Variants in RAPGEF3 observed in about 807,000 individuals in gnomAD.
RAPGEF3 encodes the protein 9330170P05Rik.
A neutral mutation model predicts 129.8 loss-of-function variants in RAPGEF3; 103 were observed. That is an observed-to-expected ratio of 0.79 (90% confidence interval 0.68 to 0.93). The LOEUF (loss-of-function observed/expected upper bound fraction) is 0.93, where lower values mean the gene tolerates loss of function less well. Among genes scored for constraint, RAPGEF3 ranks in the 40% least tolerant of loss-of-function variants. The pLI, the probability that RAPGEF3 is intolerant of heterozygous loss-of-function variation, is 0.00. For synonymous variants in RAPGEF3, 436 were observed against 482.6 expected (o/e 0.90, Z 1.26); for missense variants, 1,117 against 1,207.4 (o/e 0.93, Z 1.11).
intron 16 of RAPGEF3, chr12:47,746,066 T>C (rs1352223742): frequency 1.3e-5 from 2 of 152,902 alleles, no homozygotes; most frequent in Non-Finnish European, 2.9e-5. Context: ...GTGCTCCGGA[T>C]AGGGAGACGG....
rs759034284 is a variant in RAPGEF3, at chr12:47,738,244, T to A, written c.2530A>T (p.Met844Leu). Residue 844 changes from methionine to leucine, a missense_variant, in exon 26 of 28, where the codon ATG becomes TTG. By Grantham distance (15) the Met-to-Leu change is conservative. Around this residue, in one of 3 missense-constraint regions of RAPGEF3, gnomAD observed 643 missense variants for 673.4 expected, o/e 0.95. Transcript: ENST00000449771. ...AGCATCCGCGCGGCTCTGGCCATCATTCTCTGCGGACAACACCGGGGCATA... is the reference window on the plus strand; with the variant it reads ...AGCATCCGCGCGGCTCTGGCCATCAATCTCTGCGGACAACACCGGGGCATA... Reference protein sequence around the residue: ...ENLINFEKMRMMARAARMLHH... With the variant: ...ENLINFEKMRLMARAARMLHH... 1.0e-4 allele frequency: 165 copies of A among 1,612,872 alleles called. No homozygotes were observed. Among genetic ancestry groups the A allele is most frequent in the Admixed American group, 2.2e-4 (13 of 59,988 alleles).
At position 47,751,103 on chromosome 12, in the gene RAPGEF3, C is replaced by G; in HGVS notation, c.616G>C (p.Ala206Pro). 6.3e-7 allele frequency: 1 copy of G among 1,586,890 alleles called. No individual in the cohort carries two copies. Among genetic ancestry groups the G allele is most frequent in the Non-Finnish European group, 8.6e-7 (1 of 1,167,304 alleles). Residue 206 changes from alanine to proline, a missense_variant, in exon 6 of 28, where the codon GCC (alanine) becomes CCC (proline). By Grantham distance (27) the Ala-to-Pro change is conservative. Around this residue, in one of 3 missense-constraint regions of RAPGEF3, gnomAD observed 367 missense variants for 373.4 expected, o/e 0.98. Transcript: ENST00000449771. ...EMEEELAEAV[A>P]LLSQRGPDAL... ...TCAGGCCCCCGCTGGGAGAGCAGGG[C>G]CACAGCTTCGGCCAACTCCTCCTCC...
Position 47,751,418 on chromosome 12 carries a change from A to G in RAPGEF3, c.483T>C (p.Asp161=). 1 of 1,614,060 alleles carries G rather than the reference A, an allele frequency of 6.2e-7. No homozygotes were observed. ...GCTCACCATGGCAGAGGGCACCTTC[A>G]TCCAGCAGCACCTGGCAGATTCCCA... The part of the protein sequence containing the change: ...QVVGICQVLL[D]EGALCHVKHD... Residue 161 remains aspartate, a synonymous_variant, in exon 5 of 28, where the codon GAT becomes GAC. Coordinates refer to ENST00000449771, the MANE Select transcript of RAPGEF3 (RefSeq NM_001098531.4).
chr12:47,741,143 G>T (rs1322299393), intron 19 of RAPGEF3, 103 bp from the exon 20 acceptor site: 2 of 1,365,602 alleles, frequency 1.5e-6, no homozygotes, highest in African/African-American at 2.9e-5. Flanking sequence ...GTGTTAGGAG[G>T]AGGGTTAGGA....
chr12:47,754,233 A>C (rs557856370), intron 2 of RAPGEF3, among the ~76,000 whole-genome samples: 3 of 152,380 alleles, frequency 2.0e-5, no homozygotes, highest in Admixed American at 6.5e-5. Flanking sequence ...CATTATGCCT[A>C]TTCCCATGTT....
At position 47,751,140 on chromosome 12, in the gene RAPGEF3, T is replaced by TC; in HGVS notation, c.578dup (p.Thr194AsnfsTer3). ...CCAACTCCTCCTCCATCTCATGAGT[T>TC]CTCACGGGCTCGGGCTCGGGCCCGG... On this transcript the variant is annotated frameshift_variant, in exon 6 of 28. Transcript: ENST00000449771. LOFTEE classifies it high-confidence loss of function. 6.4e-7 allele frequency: 1 copy of TC among 1,566,228 alleles called. No homozygotes were observed. Among genetic ancestry groups the TC allele is most frequent in the Non-Finnish European group, 8.7e-7 (1 of 1,155,868 alleles).
Position 47,751,072 on chromosome 12 carries a change from A to C in RAPGEF3, c.647T>G (p.Leu216Arg). The change falls in exon 6 of 28, where the codon CTG becomes CGG. Residue 216 changes from leucine (L) to arginine (R), a missense_variant. Leu to Arg is a moderately radical substitution (Grantham distance 102). This residue lies in a region of RAPGEF3 where 367 missense variants were observed against 373.4 expected (regional missense o/e 0.98). Coordinates refer to ENST00000449771, the MANE Select transcript of RAPGEF3 (RefSeq NM_001098531.4). The stretch of plus-strand genomic sequence containing the variant: ...CGGCTTTCGAAGTGCCACAGTGAGC[A>C]GGGCGTCAGGCCCCCGCTGGGAGAG... ...ALLSQRGPDA[L>R]LTVALRKPPG... The C allele has an allele frequency of 6.3e-7, 1 of 1,596,464 alleles. No individual in the cohort carries two copies. The highest frequency in any genetic ancestry group is 8.5e-7 in the Non-Finnish European group (1 of 1,172,556).
Position 47,739,198 on chromosome 12 carries a change from C to G in RAPGEF3, c.2406G>C (p.Leu802=). ...DPSWNHRVYR[L]ALAKLSPPVI... ...CAGGAGGGGAGAGCTTGGCGAGGGCCAGTCGGTATACCCGGTGGTTCCATG... is the reference window on the plus strand; with the variant it reads ...CAGGAGGGGAGAGCTTGGCGAGGGCGAGTCGGTATACCCGGTGGTTCCATG... The change falls in exon 24 of 28, where the codon CTG becomes CTC. Residue 802 remains leucine, a synonymous_variant. Transcript: ENST00000449771. 6.2e-7 allele frequency: 1 copy of G among 1,611,708 alleles called. No homozygotes were observed. Among genetic ancestry groups the G allele is most frequent in the Admixed American group, 1.7e-5 (1 of 59,574 alleles).
chr12:47,737,993 C>T, intron 27 of RAPGEF3, 29 bp downstream of exon 27: 1 of 1,585,850 alleles, frequency 6.3e-7, no homozygotes, highest in Non-Finnish European at 8.7e-7. Flanking sequence ...CACCCCCTCC[C>T]TGCCCACCCA....
Position 47,737,569 on chromosome 12 carries a change from A to G in RAPGEF3, c.2770T>C (p.Ter924ArgextTer58), listed in dbSNP as rs149966815. The G allele has an allele frequency of 5.0e-6, 8 of 1,611,366 alleles. No individual in the cohort carries two copies. The African/African-American group carries it at 5.3e-5, about 11-fold the overall frequency. The change falls in exon 28 of 28, where the codon TGA becomes CGA. Residue 924 changes from the stop codon to arginine, a stop_lost. Coordinates refer to ENST00000449771, the MANE Select transcript of RAPGEF3 (RefSeq NM_001098531.4). ...LSRLSRELEP* is the reference protein window; with the variant it reads ...LSRLSRELEPR ...CCAGCTCCAGTCCCAGCCCCTCCTC[A>G]TGGCTCCAGCTCTCGGGAGAGGCGG...
At chr12:47,746,790 G>A (rs1259167930) in intron 16 of RAPGEF3, 70 bp downstream of exon 16, 1 of 1,467,702 alleles carries the variant, frequency 6.8e-7, no homozygotes, top group African/African-American at 1.4e-5. Context: ...AGCCCCTCAG[G>A]GTCAGGGGGC....
rs746823313 is a variant in RAPGEF3, at chr12:47,757,985, C to T, written c.100G>A (p.Val34Met). 126 of 1,569,866 alleles carry T rather than the reference C, an allele frequency of 8.0e-5. No homozygotes were observed. Among genetic ancestry groups the T allele is most frequent in the South Asian group, 1.2e-4 (10 of 85,490 alleles). Reference protein sequence around the residue: ...GAPRVGALPDVVPEGTLLNMV... With the variant: ...GAPRVGALPDMVPEGTLLNMV... ...TTGAGTAGTGTCCCCTCCGGCACCA[C>T]GTCAGGGAGGGCTCCCACCCGCGGT... The change falls in exon 2 of 28, where the codon GTG (valine) becomes ATG (methionine). Residue 34 changes from valine (V) to methionine (M), a missense_variant. Coordinates refer to ENST00000449771, the MANE Select transcript of RAPGEF3 (RefSeq NM_001098531.4).
In RAPGEF3 at chr12:47,749,968, A is replaced by G; in HGVS notation, c.779T>C (p.Val260Ala). The change falls in exon 8 of 28, where the codon GTT becomes GCT. Residue 260 changes from valine to alanine, a missense_variant. Val to Ala is a moderately conservative substitution (Grantham distance 64). Around this residue, in one of 3 missense-constraint regions of RAPGEF3, gnomAD observed 367 missense variants for 373.4 expected, o/e 0.98. Transcript: ENST00000449771. This position sits in a 1 kb window ranked among gnomAD's most constrained non-coding sequence, Gnocchi z 4.5. ...CTTGCTGTGTGGTTCAAAGAGCAGA[A>G]CAGCCGCTAATTCTCGCTTCACCTG... Reference protein sequence around the residue: ...SNSVKRELAAVLLFEPHSKAG... With the variant: ...SNSVKRELAAALLFEPHSKAG... 6.2e-7 allele frequency: 1 copy of G among 1,613,508 alleles called. No homozygotes were observed. Among genetic ancestry groups the G allele is most frequent in the Non-Finnish European group, 8.5e-7 (1 of 1,179,934 alleles).
rs1193181073 is a variant in RAPGEF3, at chr12:47,758,580, C to T, written c.-24G>A. 1.9e-6 allele frequency: 3 copies of T among 1,613,762 alleles called. No homozygotes were observed. The highest frequency in any genetic ancestry group is 2.7e-5 in the African/African-American group (2 of 74,930). On this transcript the variant is annotated 5_prime_UTR_variant, in exon 1 of 28. Coordinates refer to ENST00000449771, the MANE Select transcript of RAPGEF3 (RefSeq NM_001098531.4). ...ATGTTTCTTTTCAAGCTCGCACAGC[C>T]GTGCAGGCTCTAGCAAAAGGCTGGG...
In RAPGEF3 at chr12:47,743,605, C is replaced by T. The variant is rs748055367; in HGVS notation, c.1750G>A (p.Glu584Lys). 6.2e-7 allele frequency: 1 copy of T among 1,614,156 alleles called. No homozygotes were observed. The highest frequency in any genetic ancestry group is 8.5e-7 in the Non-Finnish European group (1 of 1,179,976). Residue 584 changes from glutamate (E) to lysine (K), a missense_variant, in exon 18 of 28, where the codon GAG becomes AAG. Coordinates refer to ENST00000449771, the MANE Select transcript of RAPGEF3 (RefSeq NM_001098531.4). Reference protein sequence around the residue: ...LQLPVTASVREVMAALAQEDG... With the variant: ...LQLPVTASVRKVMAALAQEDG... The stretch of plus-strand genomic sequence containing the variant: ...TCCTGGGCCAACGCTGCCATCACCT[C>T]TCTCACGGAGGCTGTCACAGGCAGC...
rs374715381 is a variant in RAPGEF3 at position 47,741,045 on chromosome 12, G to A, written c.1924-5C>T. 6.8e-5 allele frequency: 109 copies of A among 1,611,882 alleles called. 1 individual carries two copies. The Middle Eastern group carries it at 1.5e-3, about 22-fold the overall frequency. ...CAGCTGGTCAGGGTGTGGGATCTGC[G>A]GGTGGGAGAGTGCTCAGGGGGCTGC... is the stretch of plus-strand genomic sequence containing the variant. On this transcript the variant is annotated splice_polypyrimidine_tract_variant and splice_region_variant and intron_variant, in intron 19 of 27. Transcript: ENST00000449771.
At chr12:47,753,587 A>C (rs1384666054) in intron 2 of RAPGEF3, among the ~76,000 whole-genome samples, 1 of 152,234 alleles carries the variant, frequency 6.6e-6, no homozygotes, top group Admixed American at 6.5e-5. Flanking sequence ...GGCCCAGCCC[A>C]GTGCCAGACA....
chr12:47,739,926 C>T (rs369772358), intron 23 of RAPGEF3: 25 of 612,252 alleles, frequency 4.1e-5, no homozygotes, highest in Admixed American at 1.4e-4. Flanking sequence ...CAGGATGCAC[C>T]GTGCAACCCC....
intron 19 of RAPGEF3, chr12:47,741,242 C>T (rs1941147313): frequency 2.6e-6 from 2 of 763,444 alleles, no homozygotes; most frequent in East Asian, 5.4e-5. Context: ...TTTTGGGCTC[C>T]TGTCTCCTGG....
Sources: gnomAD v4.1 joint callset for allele counts (sites outside exome capture counted in the v4.1 genomes callset) on GRCh38, gnomAD v4.1.1 for gene constraint, gnomAD v4.1.1 regional missense constraint, Gnocchi (gnomAD v3.1) non-coding constraint, MANE v1.5 for transcripts, NCBI Gene and HGNC (gene_info 2026-07-23, HGNC 2026-07-21) for gene names.